CCDC7: variants seen among roughly 807,000 people sequenced by gnomAD.
CCDC7 encodes the protein coiled-coil domain containing 7.
In CCDC7, 183 loss-of-function variants were observed where a neutral mutation model predicts 196.9. That is an observed-to-expected ratio of 0.93 (90% CI 0.82 to 1.05). The LOEUF is 1.05. Ranked by LOEUF, CCDC7 falls within the 50% of genes least tolerant of loss-of-function variation. The pLI, the probability that CCDC7 is intolerant of heterozygous loss-of-function variation, is 0.00. For synonymous variants in CCDC7, 525 were observed against 484.6 expected (o/e 1.08, Z -1.10); for missense variants, 1,540 against 1,482.2 (o/e 1.04, Z -0.64).
At chr10:32,692,580 A>G (rs991993837) in intron 23 of CCDC7, among the ~76,000 whole-genome samples, 1 of 152,060 alleles carries the variant, frequency 6.6e-6, no homozygotes, top group Non-Finnish European at 1.5e-5. Flanking sequence ...ACTAGTACCT[A>G]CCAAAGTGTT....
intron 9 of CCDC7, among the ~76,000 whole-genome samples, chr10:32,499,656 G>A (rs1052302787): frequency 2.6e-5 from 4 of 151,782 alleles, no homozygotes; most frequent in African/African-American, 9.7e-5. Flanking sequence ...CTGAGAGGGG[G>A]ATTTGGCAGG....
intron 33 of CCDC7, among the ~76,000 whole-genome samples, chr10:32,841,633 C>CA (rs1479920527): frequency 6.6e-6 from 1 of 151,634 alleles, no homozygotes; most frequent in Non-Finnish European, 1.5e-5. Flanking sequence ...CATATGGAAC[C>CA]AAAAAAAGCC....
chr10:32,674,970 T>G (rs2074679367), intron 21 of CCDC7, among the ~76,000 whole-genome samples: 1 of 152,090 alleles, frequency 6.6e-6, no homozygotes, highest in African/African-American at 2.4e-5. Flanking sequence ...AGCCCGTCAC[T>G]TTTAGTTCAG....
At chr10:32,586,589 A>G (rs1488787532) in intron 18 of CCDC7, among the ~76,000 whole-genome samples, 1 of 152,192 alleles carries the variant, frequency 6.6e-6, no homozygotes, top group African/African-American at 2.4e-5. Flanking sequence ...AGTTTTCTGC[A>G]TATGGCTAGC....
chr10:32,736,494 C>T (rs924497004), intron 28 of CCDC7, among the ~76,000 whole-genome samples: 4 of 152,050 alleles, frequency 2.6e-5, no homozygotes, highest in Non-Finnish European at 5.9e-5. Flanking sequence ...CCCCCACTAA[C>T]TCGTCATCTA....
intron 28 of CCDC7, among the ~76,000 whole-genome samples, chr10:32,752,759 A>G (rs989905859): frequency 1.3e-5 from 2 of 152,174 alleles, no homozygotes; most frequent in Non-Finnish European, 2.9e-5. Flanking sequence ...ATCTGTACCC[A>G]TAAGATTTCT....
intron 20 of CCDC7, among the ~76,000 whole-genome samples, chr10:32,639,144 T>G (rs1181179396): frequency 1.3e-5 from 2 of 152,182 alleles, no homozygotes; most frequent in African/African-American, 2.4e-5. Context: ...AGTCTTGCTC[T>G]AGCGGTCTAT....
At chr10:32,695,139 C>G (rs150325666) in intron 24 of CCDC7, 147 bp downstream of exon 25, 1 of 400,510 alleles carries the variant, frequency 2.5e-6, no homozygotes, top group African/African-American at 2.1e-5. Flanking sequence ...AACTAGAGAA[C>G]AAAAGCCATA....
At chr10:32,550,700 T>G (rs1054011033) in intron 13 of CCDC7, among the ~76,000 whole-genome samples, 2 of 152,182 alleles carry the variant, frequency 1.3e-5, no homozygotes, top group African/African-American at 4.8e-5. Flanking sequence ...TGTATCACAT[T>G]TATTGACTTG....
intron 20 of CCDC7, among the ~76,000 whole-genome samples, chr10:32,640,901 T>G (rs2066674693): frequency 1.5e-5 from 2 of 134,114 alleles, no homozygotes; most frequent in East Asian, 5.4e-4. Context: ...ATACTCTAAG[T>G]TTTAGGGTAC....
chr10:32,845,808 C>G (rs2093262076), intron 35 of CCDC7, 68 bp from the exon 37 acceptor site: 7 of 1,279,944 alleles, frequency 5.5e-6, no homozygotes, highest in South Asian at 3.7e-5. Context: ...CACACACACA[C>G]AGATACACAC....
intron 11 of CCDC7, among the ~76,000 whole-genome samples, chr10:32,528,739 T>C (rs1337562381): frequency 6.9e-6 from 1 of 143,970 alleles, no homozygotes; most frequent in Non-Finnish European, 1.5e-5. Flanking sequence ...TACGTATATA[T>C]GTATATATAC....
At chr10:32,648,419 A>T (rs1429187850) in intron 20 of CCDC7, among the ~76,000 whole-genome samples, 2 of 152,336 alleles carry the variant, frequency 1.3e-5, no homozygotes, top group East Asian at 3.9e-4. Context: ...TACTTTGGGC[A>T]GTATGGCCTT....
chr10:32,495,860 A>G lies in CCDC7; in HGVS notation c.872+3863A>G, dbSNP rs537897116. Among the ~76,000 whole-genome samples, 7 of 152,206 alleles carry G rather than the reference A, an allele frequency of 4.6e-5. No individual in the cohort carries two copies. The East Asian group carries it at 1.2e-3, about 25-fold the overall frequency. ...AGCTTTATTCTTTTTGCTTAGGATT[A>G]TCTTGGCTATGAGGGCTCTTTTTTG... On this transcript the variant is annotated intron_variant, in intron 9 of 41. Coordinates refer to ENST00000639629, the Ensembl canonical transcript of CCDC7.
At position 32,828,467 on chromosome 10, in the gene CCDC7, G is replaced by GAAGAA. The variant is rs1555179415; in HGVS notation, c.3268+3863_3268+3864insAAGAA. 2.9e-3 allele frequency among the ~76,000 whole-genome samples: 142 copies of GAAGAA among 48,786 alleles called. 1 individual carries two copies. The highest frequency in any genetic ancestry group is 0.015 in the East Asian group (15 of 1,016). The allele number at this position is 48,786 out of a possible 152,430, so 32.0% of individuals were successfully genotyped here. A position where few individuals can be genotyped will look rare whatever the true frequency, so the allele number is the denominator to read the frequency against. ...AAGAAGAAGAAGAAGAAGAAGAAGA[G>GAAGAA]GAAGAGGAAGAGGAAGAGGAAGAAG... On this transcript the variant is annotated intron_variant, in intron 32 of 41. Coordinates refer to ENST00000639629, the Ensembl canonical transcript of CCDC7.
At chr10:32,851,618 C>T (rs1368568693) in intron 39 of CCDC7, among the ~76,000 whole-genome samples, 189 bp from the exon 41 acceptor site, 2 of 152,002 alleles carry the variant, frequency 1.3e-5, no homozygotes, top group East Asian at 3.8e-4. Context: ...ATCTGGATGA[C>T]CTGTCTCTTG....
chr10:32,576,815 A>C (rs1358017811), intron 16 of CCDC7, among the ~76,000 whole-genome samples: 1 of 152,046 alleles, frequency 6.6e-6, no homozygotes, highest in African/African-American at 2.4e-5. Flanking sequence ...CTTCCTAAAG[A>C]CTTCTATGTC....
intron 8 of CCDC7, among the ~76,000 whole-genome samples, chr10:32,488,238 T>C (rs1215404366): frequency 6.6e-6 from 1 of 152,200 alleles, no homozygotes; most frequent in East Asian, 1.9e-4. Context: ...CTCAGCCTGC[T>C]GTGCTAGCAA....
intron 29 of CCDC7, among the ~76,000 whole-genome samples, chr10:32,803,759 C>T (rs367719758): frequency 6.6e-6 from 1 of 152,154 alleles, no homozygotes; most frequent in South Asian, 2.1e-4. Context: ...TAGATAAGAA[C>T]TTGTTCTTGT....
Sources: gnomAD v4.1 joint callset for allele counts (sites outside exome capture counted in the v4.1 genomes callset) on GRCh38, gnomAD v4.1.1 for gene constraint, MANE v1.5 for transcripts, NCBI Gene and HGNC (gene_info 2026-07-23, HGNC 2026-07-21) for gene names.